The following PCGF5 variants were observed in gnomAD, a reference collection of about 807,000 sequenced individuals.
The protein encoded by PCGF5 is polycomb group ring finger 5.
In PCGF5, 9 loss-of-function variants were observed where a neutral mutation model predicts 44.3. The ratio of observed to expected loss-of-function variants is 0.20; its 90% CI spans 0.12 to 0.35. The LOEUF (loss-of-function observed/expected upper bound fraction) is 0.35, where lower values mean the gene tolerates loss of function less well. Among genes scored for constraint, PCGF5 ranks in the 10% least tolerant of loss-of-function variants. The pLI is 1.00. For synonymous variants in PCGF5, 95 were observed against 102.5 expected (o/e 0.93, Z 0.44); for missense variants, 146 against 305.3 (o/e 0.48, Z 3.89).
At chr10:91,232,030 G>C (rs941083467) in intron 2 of PCGF5, among the ~76,000 whole-genome samples, 8 of 152,174 alleles carry the variant, frequency 5.3e-5, no homozygotes, top group Non-Finnish European at 1.2e-4. Context: ...AACAATGAAA[G>C]TTTGAAGGGA....
intron 6 of PCGF5, among the ~76,000 whole-genome samples, chr10:91,257,844 A>G (rs147702798): frequency 2.6e-5 from 4 of 152,262 alleles, no homozygotes; most frequent in Non-Finnish European, 5.9e-5. Context: ...TTCACACAAA[A>G]TCTTGTATAT....
intron 1 of PCGF5, among the ~76,000 whole-genome samples, chr10:91,177,342 A>C (rs1283475068): frequency 6.6e-6 from 1 of 152,086 alleles, no homozygotes; most frequent in South Asian, 2.1e-4. Flanking sequence ...CAGTTAGGCT[A>C]CTCGGGGGTC....
chr10:91,201,517 A>G (rs1361204002), intron 1 of PCGF5, among the ~76,000 whole-genome samples: 1 of 152,206 alleles, frequency 6.6e-6, no homozygotes, highest in African/African-American at 2.4e-5. Flanking sequence ...AGGAAGCCCA[A>G]TGTGTAAAAA....
At chr10:91,159,557 C>T (rs140729002), upstream of PCGF5, among the ~76,000 whole-genome samples, 2,876 of 152,244 alleles carry the variant, frequency 0.019, 37 homozygotes, top group Non-Finnish European at 0.029. Flanking sequence ...TCAGCCAACC[C>T]CTGACTGTGC....
intron 1 of PCGF5, among the ~76,000 whole-genome samples, chr10:91,199,675 T>C (rs575300031): frequency 1.3e-5 from 2 of 152,304 alleles, no homozygotes; most frequent in African/African-American, 4.8e-5. Flanking sequence ...CTAGTTTTAG[T>C]TTAATACTGA....
chr10:91,241,667 C>CT (rs1300963027), intron 3 of PCGF5, among the ~76,000 whole-genome samples: 1 of 145,336 alleles, frequency 6.9e-6, no homozygotes, highest in Non-Finnish European at 1.5e-5. Flanking sequence ...TACTTTTGAA[C>CT]TTAAAAAAAA....
intron 1 of PCGF5, among the ~76,000 whole-genome samples, chr10:91,205,043 GTAAAC>G (rs1316887175): frequency 3.3e-5 from 5 of 152,050 alleles, no homozygotes; most frequent in Non-Finnish European, 7.4e-5. Flanking sequence ...AATTTTATGA[GTAAAC>G]TAAGTTATAT....
chr10:91,271,171 A>T (rs751538564), intron 8 of PCGF5, among the ~76,000 whole-genome samples: 9 of 151,860 alleles, frequency 5.9e-5, no homozygotes, highest in Non-Finnish European at 1.0e-4. Context: ...CTACTATAAA[A>T]CAGAAAATAG....
intron 6 of PCGF5, among the ~76,000 whole-genome samples, chr10:91,257,036 C>T (rs937111978): frequency 1.3e-5 from 2 of 151,906 alleles, no homozygotes; most frequent in East Asian, 1.9e-4. Flanking sequence ...AGTTACAGAA[C>T]GGGAAAAAAT....
intron 1 of PCGF5, among the ~76,000 whole-genome samples, chr10:91,175,739 CT>C (rs923044268): frequency 2.0e-5 from 3 of 152,088 alleles, no homozygotes; most frequent in Non-Finnish European, 4.4e-5. Context: ...CAACCCCTGC[CT>C]TTTTTTGTTT....
chr10:91,195,479 T>G (rs1474727340), intron 1 of PCGF5, among the ~76,000 whole-genome samples: 2 of 117,780 alleles, frequency 1.7e-5, no homozygotes, highest in East Asian at 3.0e-4. Flanking sequence ...TGCATATATA[T>G]ATATATAGAG....
At chr10:91,266,277 C>T (rs1222687581) in intron 8 of PCGF5, among the ~76,000 whole-genome samples, 2 of 152,120 alleles carry the variant, frequency 1.3e-5, no homozygotes, top group Non-Finnish European at 2.9e-5. Flanking sequence ...AGTGGTCATC[C>T]ACTGCACGAC....
At chr10:91,265,455 T>C (rs111796454) in intron 8 of PCGF5, among the ~76,000 whole-genome samples, 34 of 152,294 alleles carry the variant, frequency 2.2e-4, no homozygotes, top group African/African-American at 7.9e-4. Flanking sequence ...TCTGTGTTTA[T>C]GATACAATAT....
chr10:91,208,419 G>GCCA (rs774409098), intron 1 of PCGF5, among the ~76,000 whole-genome samples: 33 of 152,126 alleles, frequency 2.2e-4, no homozygotes, highest in Non-Finnish European at 3.8e-4. Context: ...CATTCACAGT[G>GCCA]CCACTTCAAT....
Position 91,269,378 on chromosome 10 carries a change from A to G in PCGF5, c.664-2260A>G, listed in dbSNP as rs866388167. ...TCACATTTTTTGAAACATAAATGGA[A>G]TCATATGTATTGTTTTACAACTGAT... On this transcript the variant is annotated intron_variant, in intron 8 of 9. Coordinates refer to ENST00000336126, the MANE Select transcript of PCGF5 (RefSeq NM_032373.5). Among the ~76,000 whole-genome samples, 4 of 152,226 alleles carry G rather than the reference A, an allele frequency of 2.6e-5. 1 individual carries two copies. In the South Asian group the frequency reaches 8.3e-4, roughly 32 times the overall value.
intron 1 of PCGF5, among the ~76,000 whole-genome samples, chr10:91,172,462 G>T (rs920715884): frequency 6.6e-6 from 1 of 152,068 alleles, no homozygotes; most frequent in East Asian, 1.9e-4. Flanking sequence ...AGTAATTAAA[G>T]TATCCACTCA....
chr10:91,223,542 A>G (rs981008293), intron 2 of PCGF5, among the ~76,000 whole-genome samples: 1 of 152,208 alleles, frequency 6.6e-6, no homozygotes, highest in Non-Finnish European at 1.5e-5. Flanking sequence ...CTGTTCTAGT[A>G]GTAGTATACC....
chr10:91,197,631 T>C (rs112385263), intron 1 of PCGF5, among the ~76,000 whole-genome samples: 16 of 152,308 alleles, frequency 1.1e-4, no homozygotes, highest in African/African-American at 3.8e-4. Flanking sequence ...GGGCTAATGG[T>C]GGTAGAGAGT....
rs71479079 is a variant in PCGF5, at chr10:91,212,502, C to T, written c.-183-10187C>T. The stretch of plus-strand genomic sequence containing the variant: ...AAATGAATTATTTGACCAGAAGTAG[C>T]TGGAAGTTTGGTTTGCTTTTTTTTC... On this transcript the variant is annotated intron_variant, in intron 1 of 9. Coordinates refer to the PCGF5 transcript ENST00000614189. Among the ~76,000 whole-genome samples the T allele has an allele frequency of 3.7e-3, 558 of 152,244 alleles. 3 individuals carry two copies. Among genetic ancestry groups the T allele is most frequent in the Admixed American group, 5.9e-3 (90 of 15,292 alleles).
Sources: allele counts gnomAD v4.1 joint callset (sites outside exome capture counted in the v4.1 genomes callset), GRCh38; gene constraint gnomAD v4.1.1; transcripts MANE v1.5; gene names NCBI Gene and HGNC (gene_info 2026-07-23, HGNC 2026-07-21).